Variants in PIP5K1A observed in about 807,000 individuals in gnomAD.
PIP5K1A encodes phosphatidylinositol-4-phosphate 5-kinase type 1 alpha.
A neutral mutation model predicts 72.9 loss-of-function variants in PIP5K1A; 46 were observed. The ratio of observed to expected loss-of-function variants is 0.63; its 90% CI spans 0.50 to 0.81. PIP5K1A has a LOEUF of 0.81. Ranked by LOEUF, PIP5K1A falls within the 30% of genes least tolerant of loss-of-function variation. PIP5K1A has a pLI of 0.00. For missense variants in PIP5K1A, 458 were observed against 706.1 expected (o/e 0.65, Z 3.98); for synonymous variants, 228 against 255.1 (o/e 0.89, Z 1.01).
At chr1:151,212,877 T>C (rs587618703) in intron 1 of PIP5K1A, among the ~76,000 whole-genome samples, 2 of 143,272 alleles carry the variant, frequency 1.4e-5, no homozygotes, top group African/African-American at 2.6e-5. Flanking sequence ...CTGGCTGACT[T>C]TGCCTTTTTT....
At chr1:151,217,426 A>G (rs1252755329) in intron 1 of PIP5K1A, among the ~76,000 whole-genome samples, 2 of 152,168 alleles carry the variant, frequency 1.3e-5, no homozygotes, top group Non-Finnish European at 2.9e-5. Flanking sequence ...TTACTGTCTG[A>G]ACCAAGAGTC....
intron 8 of PIP5K1A, among the ~76,000 whole-genome samples, chr1:151,235,574 C>T (rs186373902): frequency 1.2e-4 from 18 of 152,330 alleles, no homozygotes. Flanking sequence ...GGTGGAGATT[C>T]AGTAAATGTT....
At chr1:151,211,763 GCCACTGCACT>G (rs753833289) in intron 1 of PIP5K1A, among the ~76,000 whole-genome samples, 15 of 151,194 alleles carry the variant, frequency 9.9e-5, no homozygotes, top group Non-Finnish European at 1.9e-4. Context: ...CCAAGATCGT[GCCACTGCACT>G]CCAGCCTGGG....
At chr1:151,241,473 C>T (rs1277858595) in intron 12 of PIP5K1A, among the ~76,000 whole-genome samples, 1 of 151,698 alleles carries the variant, frequency 6.6e-6, no homozygotes, top group Admixed American at 6.6e-5. Flanking sequence ...CACTGCACTC[C>T]AGCCTGGGCG....
intron 1 of PIP5K1A, among the ~76,000 whole-genome samples, chr1:151,219,407 G>T (rs1164063280): frequency 6.7e-6 from 1 of 150,196 alleles, no homozygotes; most frequent in Non-Finnish European, 1.5e-5. Flanking sequence ...AAAGAAGAGG[G>T]CTGGCCCGGT....
chr1:151,237,339 C>T (rs1329829054), intron 9 of PIP5K1A, among the ~76,000 whole-genome samples: 2 of 152,186 alleles, frequency 1.3e-5, no homozygotes, highest in Non-Finnish European at 2.9e-5. Flanking sequence ...AAATTATAGT[C>T]TTAAATGCAT....
intron 1 of PIP5K1A, among the ~76,000 whole-genome samples, chr1:151,223,659 A>AAT (rs1688710425): frequency 6.9e-6 from 1 of 144,720 alleles, no homozygotes; most frequent in East Asian, 2.2e-4. Flanking sequence ...AAAAAAAAAA[A>AAT]GCGACAGAGC....
At chr1:151,199,154 G>A (rs1290905045) in intron 1 of PIP5K1A, 73 bp downstream of exon 1, 4 of 1,608,388 alleles carry the variant, frequency 2.5e-6, no homozygotes, top group Non-Finnish European at 3.4e-6. Context: ...ACCTAAGAGG[G>A]TACCTGTAGC....
intron 1 of PIP5K1A, among the ~76,000 whole-genome samples, chr1:151,222,649 G>A (rs1216068734): frequency 6.6e-6 from 1 of 152,084 alleles, no homozygotes; most frequent in South Asian, 2.1e-4. Context: ...CTTCTAAACC[G>A]TTTCCTCTGG....
chr1:151,223,344 G>A (rs1325305577), intron 1 of PIP5K1A, among the ~76,000 whole-genome samples: 7 of 123,348 alleles, frequency 5.7e-5, no homozygotes, highest in East Asian at 2.6e-4. Context: ...GCAAAACTCC[G>A]TCTCAAAAAA....
At chr1:151,197,357 C>A (rs752639591), upstream of PIP5K1A, among the ~76,000 whole-genome samples, 1 of 152,048 alleles carries the variant, frequency 6.6e-6, no homozygotes, top group Non-Finnish European at 1.5e-5. Context: ...CCGCTCACTG[C>A]AAGCTCCGCC....
upstream of PIP5K1A, among the ~76,000 whole-genome samples, chr1:151,197,176 C>G (rs1684632987): frequency 6.7e-6 from 1 of 149,132 alleles, no homozygotes; most frequent in South Asian, 2.1e-4. Flanking sequence ...TGGGGATATT[C>G]TATGGATGTT....
intron 15 of PIP5K1A, 48 bp downstream of exon 15, chr1:151,247,013 G>C (rs781494009): frequency 7.5e-7 from 1 of 1,335,090 alleles, no homozygotes; most frequent in African/African-American, 1.4e-5. Flanking sequence ...AAGGTATAAA[G>C]AGGATCACTG....
chr1:151,231,526 G>A, intron 4 of PIP5K1A, 145 bp from the exon 5 acceptor site: 1 of 681,888 alleles, frequency 1.5e-6, no homozygotes, highest in Non-Finnish European at 2.6e-6. Flanking sequence ...TGGGGAAACT[G>A]GATTGTCCCA....
intron 5 of PIP5K1A, among the ~76,000 whole-genome samples, chr1:151,232,040 G>A (rs587601660): frequency 6.6e-6 from 1 of 152,258 alleles, no homozygotes; most frequent in Non-Finnish European, 1.5e-5. Flanking sequence ...TTGGATAGGA[G>A]GCAGTGTGAT....
chr1:151,207,698 A>G (rs1164426315), intron 1 of PIP5K1A, among the ~76,000 whole-genome samples: 2 of 151,116 alleles, frequency 1.3e-5, no homozygotes, highest in African/African-American at 4.9e-5. Flanking sequence ...CGCCTGGCTA[A>G]TTTTTGTATT....
intron 1 of PIP5K1A, among the ~76,000 whole-genome samples, chr1:151,213,864 C>A (rs587665773): frequency 6.6e-6 from 1 of 152,050 alleles, no homozygotes; most frequent in South Asian, 2.1e-4. Context: ...ATGTAACATA[C>A]ACATTAAAAT....
At chr1:151,238,051 C>T in intron 9 of PIP5K1A, 131 bp from the exon 10 acceptor site, 3 of 611,180 alleles carry the variant, frequency 4.9e-6, no homozygotes, top group Admixed American at 3.0e-5. Context: ...TTTTTGTTTT[C>T]TTGATCACTT....
At chr1:151,207,535 T>C (rs1268898446) in intron 1 of PIP5K1A, among the ~76,000 whole-genome samples, 1 of 15,728 alleles carries the variant, frequency 6.4e-5, no homozygotes, top group Non-Finnish European at 1.8e-4. Context: ...AAGATTAATC[T>C]TTTTTTTTTT....
Sources: allele counts gnomAD v4.1 joint callset (sites outside exome capture counted in the v4.1 genomes callset), GRCh38; gene constraint gnomAD v4.1.1; transcripts MANE v1.5; gene names NCBI Gene and HGNC (gene_info 2026-07-23, HGNC 2026-07-21).